OSTF1: variants seen among roughly 807,000 people sequenced by gnomAD.
The protein encoded by OSTF1 is osteoclast-stimulating factor 1.
In OSTF1, 27 loss-of-function variants were observed where a neutral mutation model predicts 37.2. The ratio of observed to expected loss-of-function variants is 0.73; its 90% CI spans 0.54 to 1.00. The LOEUF (loss-of-function observed/expected upper bound fraction) is 1.00. Among genes scored for constraint, OSTF1 ranks in the 50% least tolerant of loss-of-function variants. The pLI, the probability that OSTF1 is intolerant of heterozygous loss-of-function variation, is 0.00. For missense variants in OSTF1, 232 were observed against 253.8 expected, an observed-to-expected ratio of 0.91 and a Z score of 0.58; for synonymous variants, 82 against 89.2, an observed-to-expected ratio of 0.92 and a Z score of 0.46.
At chr9:75,118,809 T>C (rs1160639551) in intron 2 of OSTF1, among the ~76,000 whole-genome samples, 5 of 152,072 alleles carry the variant, frequency 3.3e-5, no homozygotes, top group Non-Finnish European at 7.4e-5. Flanking sequence ...ATGGGGGAAA[T>C]TGCTCCCATG....
chr9:75,099,904 A>G (rs1825159765), intron 1 of OSTF1, among the ~76,000 whole-genome samples: 1 of 152,238 alleles, frequency 6.6e-6, no homozygotes, highest in East Asian at 1.9e-4. Flanking sequence ...AGGACATAGA[A>G]TTATACTTAC....
Position 75,134,311 on chromosome 9 carries a change from G to A in OSTF1, c.359-35G>A, listed in dbSNP as rs754530725. ...TAGATTTGTCAGGCTTCTAATTTTCGTTCTTAAAAGGTATCTTTTCTCTTT... is the reference window on the plus strand; with the variant it reads ...TAGATTTGTCAGGCTTCTAATTTTCATTCTTAAAAGGTATCTTTTCTCTTT... On this transcript the variant is annotated intron_variant, in intron 6 of 9. Transcript: ENST00000346234. The A allele has an allele frequency of 5.3e-5, 59 of 1,116,164 alleles. No homozygotes were observed. The South Asian group carries it at 5.5e-4, about 10-fold the overall frequency. The allele number at this position is 1,116,164 out of a possible 1,614,324, so 69.1% of individuals were successfully genotyped here.
chr9:75,099,656 C>T (rs931980360), intron 1 of OSTF1, among the ~76,000 whole-genome samples: 36 of 152,072 alleles, frequency 2.4e-4, no homozygotes, highest in African/African-American at 8.2e-4. Context: ...AGTGAAACCC[C>T]GCCTCTACTG....
chr9:75,088,933 A>T (rs906610671), intron 1 of OSTF1, among the ~76,000 whole-genome samples: 6 of 150,230 alleles, frequency 4.0e-5, no homozygotes, highest in South Asian at 2.1e-4. Flanking sequence ...TTCGAGGATT[A>T]ATATATATAT....
intron 2 of OSTF1, among the ~76,000 whole-genome samples, chr9:75,121,651 CT>C (rs1825582518): frequency 6.6e-6 from 1 of 152,190 alleles, no homozygotes; most frequent in African/African-American, 2.4e-5. Context: ...AATTTTGAAT[CT>C]CATTCCAGAA....
intron 3 of OSTF1, among the ~76,000 whole-genome samples, chr9:75,129,864 C>G (rs184355083): frequency 3.3e-4 from 50 of 152,194 alleles, no homozygotes; most frequent in Admixed American, 1.3e-3. Context: ...TGAGTATCGA[C>G]CTAGATATTT....
intron 1 of OSTF1, among the ~76,000 whole-genome samples, chr9:75,099,997 T>G (rs1825162007): frequency 6.6e-6 from 1 of 152,228 alleles, no homozygotes; most frequent in Non-Finnish European, 1.5e-5. Flanking sequence ...AGTGCTCAAG[T>G]GTTAGTTTTC....
At chr9:75,108,618 A>C (rs1564157501) in intron 1 of OSTF1, among the ~76,000 whole-genome samples, 1 of 152,170 alleles carries the variant, frequency 6.6e-6, no homozygotes. Context: ...TGTGATTGCT[A>C]GTAATTCTGG....
At chr9:75,131,664 T>C (rs1825762279) in intron 4 of OSTF1, 106 bp from the exon 5 acceptor site, 1 of 778,348 alleles carries the variant, frequency 1.3e-6, no homozygotes, top group African/African-American at 1.7e-5. Context: ...CTGTGTTGAA[T>C]GCCCTGGTAC....
chr9:75,091,804 G>GT (rs1824980416), intron 1 of OSTF1, among the ~76,000 whole-genome samples: 1 of 152,198 alleles, frequency 6.6e-6, no homozygotes, highest in African/African-American at 2.4e-5. Flanking sequence ...ACCTGCATGT[G>GT]TAGTAAGGTC....
rs759202948 is a variant in OSTF1 at position 75,134,373 on chromosome 9, C to G, written c.386C>G (p.Pro129Arg). The G allele has an allele frequency of 2.5e-6, 4 of 1,570,162 alleles. No individual in the cohort carries two copies. In the South Asian group the frequency reaches 4.6e-5, roughly 18 times the overall value. ...KDIVEMLFTQPNIELNQQNKL... is the reference protein window; with the variant it reads ...KDIVEMLFTQRNIELNQQNKL... The stretch of plus-strand genomic sequence containing the variant: ...ATAGTGGAAATGCTATTTACTCAAC[C>G]AAATATTGAACTGAACCAGCAGGTA... The change falls in exon 7 of 10, where the codon CCA (proline) becomes CGA (arginine). Residue 129 changes from proline to arginine, a missense_variant. Coordinates refer to ENST00000346234, the MANE Select transcript of OSTF1 (RefSeq NM_012383.5).
chr9:75,101,163 G>C (rs60358828), intron 1 of OSTF1, among the ~76,000 whole-genome samples: 7,535 of 152,160 alleles, frequency 0.05, 211 homozygotes, highest in African/African-American at 0.069. Context: ...TCTCAGGACC[G>C]GGCCAAGCTG....
chr9:75,107,490 A>G (rs750651998), intron 1 of OSTF1, among the ~76,000 whole-genome samples: 1 of 152,194 alleles, frequency 6.6e-6, no homozygotes, highest in African/African-American at 2.4e-5. Flanking sequence ...TGAGAGCTCT[A>G]AGATTGCTTG....
intron 1 of OSTF1, among the ~76,000 whole-genome samples, chr9:75,117,225 C>T (rs981455570): frequency 2.0e-5 from 3 of 152,150 alleles, no homozygotes; most frequent in African/African-American, 4.8e-5. Flanking sequence ...TATCTTCCTG[C>T]TAGCTGTTTG....
At chr9:75,114,145 G>A (rs2118500295) in intron 1 of OSTF1, among the ~76,000 whole-genome samples, 1 of 149,478 alleles carries the variant, frequency 6.7e-6, no homozygotes, top group Middle Eastern at 3.4e-3. Flanking sequence ...AGACTGAATA[G>A]TATTCTATTG....
At chr9:75,125,901 T>C (rs1825654338) in intron 2 of OSTF1, among the ~76,000 whole-genome samples, 1 of 152,236 alleles carries the variant, frequency 6.6e-6, no homozygotes, top group Non-Finnish European at 1.5e-5. Flanking sequence ...ATTTTATTTT[T>C]AATTTCATTT....
Position 75,139,027 on chromosome 9 carries a change from C to CTTCTTTCTTTCT in OSTF1, c.487+1430_487+1441dup, listed in dbSNP as rs201231543. ...TTCTTTGCCTTTAAATTTGGGGACA[C>CTTCTTTCTTTCT]TTCTTTCTTTCTTTCTTTCTTTCTT... On this transcript the variant is annotated intron_variant, in intron 8 of 9. Transcript: ENST00000346234. 6.6e-3 allele frequency among the ~76,000 whole-genome samples: 797 copies of CTTCTTTCTTTCT among 120,550 alleles called. 42 individuals carry two copies. The highest frequency in any genetic ancestry group is 0.014 in the African/African-American group (450 of 31,366). 79.1% of individuals were successfully genotyped at this position (120,550 alleles called of 152,430 possible).
At chr9:75,141,946 C>G (rs1483844590) in intron 9 of OSTF1, among the ~76,000 whole-genome samples, 1 of 152,014 alleles carries the variant, frequency 6.6e-6, no homozygotes, top group Admixed American at 6.6e-5. Context: ...AGGGGTCTTG[C>G]CATGTTGTCC....
chr9:75,128,389 T>TTTTTTTTTTTTGTCC (rs1221073344), intron 3 of OSTF1, among the ~76,000 whole-genome samples: 1 of 98,220 alleles, frequency 1.0e-5, no homozygotes, highest in African/African-American at 4.2e-5. Flanking sequence ...TATATATATA[T>TTTTTTTTTTTTGTCC]ATATATATAT....
Sources: gnomAD v4.1 joint callset for allele counts (sites outside exome capture counted in the v4.1 genomes callset) on GRCh38, gnomAD v4.1.1 for gene constraint, MANE v1.5 for transcripts, NCBI Gene and HGNC (gene_info 2026-07-23, HGNC 2026-07-21) for gene names.